The following HDAC4 variants were observed in gnomAD, a reference collection of about 807,000 sequenced individuals.
The protein encoded by HDAC4 is histone deacetylase A.
Under a neutral mutation model 135.1 loss-of-function variants are expected in HDAC4, and 16 were observed. That is an observed-to-expected ratio of 0.12 (90% CI 0.08 to 0.18). The LOEUF (loss-of-function observed/expected upper bound fraction) is 0.18, where lower values mean the gene tolerates loss of function less well. Ranked by LOEUF, HDAC4 falls within the 10% of genes least tolerant of loss-of-function variation. HDAC4 has a pLI of 1.00. For missense variants in HDAC4, 1,143 were observed against 1,511.8 expected, an observed-to-expected ratio of 0.76 and a Z score of 4.05; for synonymous variants, 685 against 653.4, an observed-to-expected ratio of 1.05 and a Z score of -0.74.
chr2:239,225,943 T>C (rs777091764), intron 3 of HDAC4, among the ~76,000 whole-genome samples: 2 of 152,072 alleles, frequency 1.3e-5, no homozygotes, highest in Non-Finnish European at 2.9e-5. Flanking sequence ...GTAGGGGACA[T>C]GGTGTTGGTA....
chr2:239,171,307 T>G (rs2043440431), intron 5 of HDAC4, among the ~76,000 whole-genome samples: 1 of 151,828 alleles, frequency 6.6e-6, no homozygotes, highest in Non-Finnish European at 1.5e-5. Context: ...TATGGAAAAC[T>G]ATGAAAAAGG....
At chr2:239,233,109 T>C (rs904917266) in intron 3 of HDAC4, among the ~76,000 whole-genome samples, 3 of 152,236 alleles carry the variant, frequency 2.0e-5, no homozygotes, top group Non-Finnish European at 4.4e-5. Flanking sequence ...GTCTGTTATA[T>C]CTTAGTGGTA....
In HDAC4 at chr2:239,303,596, CT is replaced by C. The variant is rs949362334; in HGVS notation, c.22+49081del. The stretch of plus-strand genomic sequence containing the variant: ...TCAGCTTTCTCTGTTTTCTTTCTTT[CT>C]TTTTTTTTTTTAATTCACAATTGAG... On this transcript the variant is annotated intron_variant, in intron 2 of 26. Coordinates refer to ENST00000543185, the MANE Select transcript of HDAC4 (RefSeq NM_001378414.1). This position sits in a 1 kb window ranked among gnomAD's most constrained non-coding sequence, Gnocchi z 5.1. 1.9e-3 allele frequency among the ~76,000 whole-genome samples: 281 copies of C among 146,360 alleles called. No homozygotes were observed. The highest frequency in any genetic ancestry group is 1.6e-3 in the Admixed American group (24 of 14,634).
intron 9 of HDAC4, among the ~76,000 whole-genome samples, chr2:239,137,184 G>A (rs1378896492): frequency 5.3e-5 from 8 of 152,356 alleles, no homozygotes; most frequent in Non-Finnish European, 1.5e-5. Context: ...TGGTCCACCT[G>A]AGAAATCGCA....
At chr2:239,281,761 C>A (rs2050773100) in intron 2 of HDAC4, among the ~76,000 whole-genome samples, 1 of 150,266 alleles carries the variant, frequency 6.7e-6, no homozygotes, top group Admixed American at 6.6e-5. Flanking sequence ...CGCCACTCTA[C>A]AATTTACCCA....
chr2:239,074,662 TAAG>T (rs1469879630), intron 22 of HDAC4, among the ~76,000 whole-genome samples: 5 of 152,222 alleles, frequency 3.3e-5, no homozygotes, highest in Admixed American at 2.0e-4. Flanking sequence ...CTGCTAGACA[TAAG>T]AAGGTCAGAA....
intron 4 of HDAC4, among the ~76,000 whole-genome samples, chr2:239,186,150 C>A (rs1236465118): frequency 6.6e-6 from 1 of 152,106 alleles, no homozygotes; most frequent in Non-Finnish European, 1.5e-5. Flanking sequence ...TGTGTCTAAA[C>A]CACCACAAAC....
At chr2:239,396,702 T>C (rs1477323057) in intron 1 of HDAC4, among the ~76,000 whole-genome samples, 1 of 152,150 alleles carries the variant, frequency 6.6e-6, no homozygotes, top group African/African-American at 2.4e-5. Context: ...GCTGACGGAG[T>C]CTTTTGCCAA....
chr2:239,233,587 G>C (rs181739255), intron 3 of HDAC4, among the ~76,000 whole-genome samples: 3 of 152,216 alleles, frequency 2.0e-5, no homozygotes, highest in African/African-American at 7.2e-5. Flanking sequence ...AAAATCTCAA[G>C]ATGGCACACG....
rs147637179 is a variant in HDAC4 at position 239,131,647 on chromosome 2, G to C, written c.1294+2598C>G. ...AGCCGGCTGGCCTGGCTGCTGTACCGGACTAGGGAAGAGAAACGAGGCTTC... is the reference window on the plus strand; with the variant it reads ...AGCCGGCTGGCCTGGCTGCTGTACCCGACTAGGGAAGAGAAACGAGGCTTC... On this transcript the variant is annotated intron_variant, in intron 11 of 26. Transcript: ENST00000543185. Among the ~76,000 whole-genome samples, 4 of 152,138 alleles carry C rather than the reference G, an allele frequency of 2.6e-5. No homozygotes were observed. In the East Asian group the frequency reaches 7.7e-4, roughly 29 times the overall value.
intron 12 of HDAC4, among the ~76,000 whole-genome samples, chr2:239,121,940 G>A (rs1293267897): frequency 2.0e-5 from 3 of 152,224 alleles, no homozygotes; most frequent in South Asian, 2.1e-4. Context: ...TGAGCCGGAC[G>A]CGGGCAAACA....
At chr2:239,384,731 C>A (rs145802369) in intron 1 of HDAC4, among the ~76,000 whole-genome samples, 1 of 152,304 alleles carries the variant, frequency 6.6e-6, no homozygotes, top group Non-Finnish European at 1.5e-5. Context: ...GGACATGGCC[C>A]CAGCACCATA....
intron 3 of HDAC4, among the ~76,000 whole-genome samples, chr2:239,214,261 TCTC>T (rs2046500454): frequency 6.6e-6 from 1 of 152,048 alleles, no homozygotes; most frequent in African/African-American, 2.4e-5. Context: ...TGGTCCCTTC[TCTC>T]CTCAACACCA....
chr2:239,250,140 A>C (rs1209716042), intron 2 of HDAC4, among the ~76,000 whole-genome samples: 1 of 152,256 alleles, frequency 6.6e-6, no homozygotes, highest in Non-Finnish European at 1.5e-5. Context: ...GGATGCGTGG[A>C]TGTCCTCTGG....
intron 16 of HDAC4, among the ~76,000 whole-genome samples, chr2:239,097,983 T>G (rs2037268979): frequency 6.6e-6 from 1 of 152,210 alleles, no homozygotes; most frequent in South Asian, 2.1e-4. Context: ...CGCGCTCAGC[T>G]ATATGAATTC....
At chr2:239,233,051 C>T (rs2047686714) in intron 3 of HDAC4, among the ~76,000 whole-genome samples, 1 of 152,248 alleles carries the variant, frequency 6.6e-6, no homozygotes, top group Non-Finnish European at 1.5e-5. Flanking sequence ...TCCACTTATT[C>T]AAAACGCAAA....
chr2:239,059,659 A>T (rs2032381888), intron 24 of HDAC4, among the ~76,000 whole-genome samples: 1 of 152,258 alleles, frequency 6.6e-6, no homozygotes, highest in Admixed American at 6.5e-5. Flanking sequence ...TCTGTAATTT[A>T]AAATTTTCAC....
At chr2:239,091,679 A>G (rs2036517972) in intron 17 of HDAC4, 1 of 152,178 alleles carries the variant, frequency 6.6e-6, no homozygotes, top group Non-Finnish European at 1.5e-5. Context: ...AAGCTTCATC[A>G]TCAAAGCAAG....
chr2:239,204,550 C>T (rs1175053649), intron 3 of HDAC4, among the ~76,000 whole-genome samples: 1 of 152,184 alleles, frequency 6.6e-6, no homozygotes, highest in Non-Finnish European at 1.5e-5. Context: ...TTACAGTCTG[C>T]CATCTGCACT....
Sources: gnomAD v4.1 joint callset for allele counts (sites outside exome capture counted in the v4.1 genomes callset) on GRCh38, gnomAD v4.1.1 for gene constraint, Gnocchi (gnomAD v3.1) non-coding constraint, MANE v1.5 for transcripts, NCBI Gene and HGNC (gene_info 2026-07-23, HGNC 2026-07-21) for gene names.